HIVEP3: variants seen among roughly 807,000 people sequenced by gnomAD.
HIVEP3 encodes HIVEP zinc finger 3, also known as transcription factor HIVEP3.
In HIVEP3, 49 loss-of-function variants were observed where a neutral mutation model predicts 152.8. That is an observed-to-expected ratio of 0.32 (90% confidence interval 0.26 to 0.41). The LOEUF (loss-of-function observed/expected upper bound fraction) is 0.41, where lower values mean the gene tolerates loss of function less well. Ranked by LOEUF, HIVEP3 falls within the 10% of genes least tolerant of loss-of-function variation. The pLI is 1.00. For synonymous variants in HIVEP3, 1,269 were observed against 1,289.0 expected (o/e 0.98, Z 0.33); for missense variants, 2,790 against 3,103.3 (o/e 0.90, Z 2.40).
intron 1 of HIVEP3, among the ~76,000 whole-genome samples, chr1:41,710,685 G>C (rs1215650841): frequency 1.3e-5 from 2 of 152,168 alleles, no homozygotes; most frequent in Admixed American, 6.5e-5. Context: ...TAGAAACTAT[G>C]TGTCTGTCTC....
intron 1 of HIVEP3, among the ~76,000 whole-genome samples, chr1:41,782,785 A>C (rs1649126479): frequency 6.6e-6 from 1 of 151,822 alleles, no homozygotes; most frequent in African/African-American, 2.4e-5. Context: ...CCACAATTTT[A>C]CAAAAAGAAA....
rs1301160748 is a variant in HIVEP3 at position 41,546,235 on chromosome 1, G to A, written c.5208-21325C>T. Reference sequence around the variant, plus strand: ...GGTCCCCAGAGGTGAAGTTGTTCGAGGTCCCTCCTGAGTGTGCAAAGTGAG... The same window carrying A: ...GGTCCCCAGAGGTGAAGTTGTTCGAAGTCCCTCCTGAGTGTGCAAAGTGAG... On this transcript the variant is annotated intron_variant, in intron 5 of 8. Transcript: ENST00000372583. Among the ~76,000 whole-genome samples, 69 of 152,198 alleles carry A rather than the reference G, an allele frequency of 4.5e-4. 1 individual carries two copies.
chr1:41,544,177 A>G (rs189166840), intron 5 of HIVEP3: 10 of 152,174 alleles, frequency 6.6e-5, no homozygotes, highest in Non-Finnish European at 1.3e-4. Context: ...TGGACCCCAC[A>G]CTGCTCAGCC....
chr1:41,729,863 C>T (rs1322617217), intron 1 of HIVEP3, among the ~76,000 whole-genome samples: 1 of 152,174 alleles, frequency 6.6e-6, no homozygotes, highest in African/African-American at 2.4e-5. Context: ...CAGGAAGTGT[C>T]ATGTGAGTTT....
chr1:41,888,181 A>T (rs868101188), intron 1 of HIVEP3, among the ~76,000 whole-genome samples: 1 of 140,856 alleles, frequency 7.1e-6, no homozygotes, highest in African/African-American at 2.6e-5. Context: ...GACTACAGGC[A>T]CCCACCACCA....
At chr1:41,529,668 T>C (rs2810550) in intron 5 of HIVEP3, among the ~76,000 whole-genome samples, 55,055 of 113,212 alleles carry the variant, frequency 0.49, 12,377 homozygotes, top group African/African-American at 0.52. Flanking sequence ...CCCTACACAC[T>C]CCCACAACCA....
chr1:41,927,349 G>A (rs1402043718), intron 1 of HIVEP3, among the ~76,000 whole-genome samples: 1 of 152,128 alleles, frequency 6.6e-6, no homozygotes, highest in African/African-American at 2.4e-5. Context: ...TTTTGGGGGT[G>A]GGGTGGAGTT....
chr1:41,513,275 G>A lies in HIVEP3; in HGVS notation c.5946C>T (p.Ala1982=). 1.1e-5 allele frequency: 18 copies of A among 1,613,454 alleles called. No individual in the cohort carries two copies. Among genetic ancestry groups the A allele is most frequent in the Non-Finnish European group, 1.4e-5 (17 of 1,180,008 alleles). ...CGTTTTTGGTTAGCGAGTGTTTGCG[G>A]GCTAGTGGTGGACGGCTGCCTGCTT... is the stretch of plus-strand genomic sequence containing the variant. The part of the protein sequence containing the change: ...SKEAGSRPPL[A]RKHSLTKNDS... The change falls in exon 8 of 9, where the codon GCC becomes GCT. Residue 1982 remains alanine (A), a synonymous_variant. Transcript: ENST00000372583.
intron 5 of HIVEP3, among the ~76,000 whole-genome samples, chr1:41,527,029 C>G: frequency 1.1e-5 from 1 of 91,004 alleles, no homozygotes. Context: ...ACACTCACCC[C>G]CCACCCTCAC....
intron 2 of HIVEP3, among the ~76,000 whole-genome samples, chr1:41,683,662 C>T (rs1298477666): frequency 6.6e-6 from 1 of 152,170 alleles, no homozygotes; most frequent in Admixed American, 6.5e-5. Flanking sequence ...TGTGTGTTTT[C>T]CCGTGAGATT....
intron 1 of HIVEP3, among the ~76,000 whole-genome samples, chr1:41,788,921 C>G (rs1649526249): frequency 6.6e-6 from 1 of 152,220 alleles, no homozygotes; most frequent in African/African-American, 2.4e-5. Context: ...TCTGCCACCC[C>G]TGTATCCTTT....
intron 1 of HIVEP3, among the ~76,000 whole-genome samples, chr1:41,795,430 G>A (rs1440992456): frequency 1.3e-5 from 2 of 152,190 alleles, no homozygotes; most frequent in African/African-American, 4.8e-5. Flanking sequence ...TACTGGTGAT[G>A]TTAACCTTGA....
intron 1 of HIVEP3, among the ~76,000 whole-genome samples, chr1:41,723,348 C>T (rs1318749715): frequency 6.6e-6 from 1 of 152,080 alleles, no homozygotes; most frequent in Non-Finnish European, 1.5e-5. Context: ...CATCCCCATC[C>T]TTATCCCATT....
intron 1 of HIVEP3, among the ~76,000 whole-genome samples, chr1:41,819,227 A>G (rs1642513468): frequency 6.6e-6 from 1 of 152,202 alleles, no homozygotes; most frequent in Admixed American, 6.5e-5. Context: ...AGACTAATAA[A>G]ATGAATACAC....
At chr1:41,616,337 T>A (rs762684852) in intron 3 of HIVEP3, among the ~76,000 whole-genome samples, 1 of 152,212 alleles carries the variant, frequency 6.6e-6, no homozygotes, top group Non-Finnish European at 1.5e-5. Flanking sequence ...GTTCCCCACC[T>A]GCACAAAGGA....
In HIVEP3 at chr1:41,582,914, A is replaced by G. The variant is rs754056711; in HGVS notation, c.1884T>C (p.Leu628=). ...TCAAACCCTTCTTGGTCTTTTTGGT[A>G]AGCTCGCTTTCCTTGGGTTCCACTT... ...SDEVEPKESE[L]TKKTKKGLKT... Residue 628 remains leucine (L), a synonymous_variant, in exon 4 of 9, where the codon CTT becomes CTC. Transcript: ENST00000372583. The surrounding 1 kb of genome is among the most constrained non-coding windows in gnomAD (Gnocchi z 4.7). 2 of 1,613,992 alleles carry G rather than the reference A, an allele frequency of 1.2e-6. No individual in the cohort carries two copies. Among genetic ancestry groups the G allele is most frequent in the South Asian group, 2.2e-5 (2 of 91,084 alleles).
chr1:41,529,951 AAC>A (rs1411279404), intron 5 of HIVEP3, among the ~76,000 whole-genome samples: 2 of 74,662 alleles, frequency 2.7e-5, no homozygotes, highest in African/African-American at 5.6e-5. Context: ...CCCCCACCCT[AAC>A]ACGCTCACAG....
chr1:41,904,326 GC>G (rs1380175098), intron 1 of HIVEP3, among the ~76,000 whole-genome samples: 4 of 152,182 alleles, frequency 2.6e-5, no homozygotes, highest in African/African-American at 9.7e-5. Flanking sequence ...GACCTCTGAA[GC>G]CTCAATTCCC....
intron 5 of HIVEP3, among the ~76,000 whole-genome samples, chr1:41,545,223 AT>A: frequency 7.8e-6 from 1 of 127,604 alleles, no homozygotes; most frequent in Non-Finnish European, 1.7e-5. Context: ...CACCACCACC[AT>A]CGCTACCATC....
Sources: gnomAD v4.1 joint callset for allele counts (sites outside exome capture counted in the v4.1 genomes callset) on GRCh38, gnomAD v4.1.1 for gene constraint, Gnocchi (gnomAD v3.1) non-coding constraint, MANE v1.5 for transcripts, NCBI Gene and HGNC (gene_info 2026-07-23, HGNC 2026-07-21) for gene names.